CES5A: variants seen among roughly 807,000 people sequenced by gnomAD.
The protein encoded by CES5A is carboxylesterase 5A, also known as carboxylesterase 5.
CES5A carries 67 observed loss-of-function variants against 62.9 expected under a neutral mutation model. The ratio of observed to expected loss-of-function variants is 1.07; its 90% confidence interval spans 0.88 to 1.31. The LOEUF is 1.31. CES5A is among the 50% of genes most tolerant of loss of function. The probability of loss-of-function intolerance (pLI) is 0.00; values close to 1 mark genes in which losing one functional copy is unlikely to be tolerated. For missense variants in CES5A, 748 were observed against 708.5 expected (o/e 1.06, Z -0.63); for synonymous variants, 296 against 280.8 (o/e 1.05, Z -0.54).
At chr16:55,928,359 C>G (rs528499504), upstream of CES5A, among the ~76,000 whole-genome samples, 1 of 152,228 alleles carries the variant, frequency 6.6e-6, no homozygotes, top group Admixed American at 6.5e-5. Flanking sequence ...TAAGTGGGAG[C>G]TAAGCTATGG....
upstream of CES5A, among the ~76,000 whole-genome samples, chr16:55,877,121 C>A (rs532191474): frequency 1.4e-4 from 21 of 152,306 alleles, no homozygotes; most frequent in East Asian, 4.1e-3. Flanking sequence ...GCAAGGACTT[C>A]TGCAAGTGGG....
chr16:55,864,613 G>A (rs1180907798), intron 5 of CES5A, among the ~76,000 whole-genome samples: 1 of 152,210 alleles, frequency 6.6e-6, no homozygotes, highest in Non-Finnish European at 1.5e-5. Flanking sequence ...ATTGCTGTCA[G>A]GCCAGGCATA....
At chr16:55,901,369 A>G (rs1395799469) in intron 1 of CES5A, among the ~76,000 whole-genome samples, 1 of 152,182 alleles carries the variant, frequency 6.6e-6, no homozygotes, top group Non-Finnish European at 1.5e-5. Context: ...AAACAGACTA[A>G]TACAGGCCCT....
chr16:55,949,982 C>A, intron 1 of CES5A: 1 of 539,000 alleles, frequency 1.9e-6, no homozygotes, highest in Non-Finnish European at 2.8e-6. Flanking sequence ...ACCAATACAG[C>A]ATATAAGTAA....
At chr16:55,902,344 C>G (rs984437190) in intron 1 of CES5A, among the ~76,000 whole-genome samples, 6 of 152,144 alleles carry the variant, frequency 3.9e-5, no homozygotes, top group African/African-American at 4.8e-5. Flanking sequence ...ACTCTCCCCC[C>G]ACAAGTTATT....
chr16:55,866,122 G>T lies in CES5A; in HGVS notation c.552-6C>A. The T allele has an allele frequency of 6.2e-7, 1 of 1,605,394 alleles. No individual in the cohort carries two copies. The highest frequency in any genetic ancestry group is 2.2e-5 in the East Asian group (1 of 44,680). ...GAGCATGCTGATCCCATGTGCTGAG[G>T]ACAAGAGGCAGGGTGAGAATTCTTG... On this transcript the variant is annotated splice_polypyrimidine_tract_variant and splice_region_variant and intron_variant, in intron 4 of 12. Transcript: ENST00000290567.
intron 1 of CES5A, among the ~76,000 whole-genome samples, chr16:55,916,134 G>T (rs551895674): frequency 6.6e-6 from 1 of 152,256 alleles, no homozygotes; most frequent in South Asian, 2.1e-4. Context: ...GACCAGTTGG[G>T]TCAGGGCAGG....
At chr16:55,876,108 C>G (rs1011512458), upstream of CES5A, among the ~76,000 whole-genome samples, 1 of 152,190 alleles carries the variant, frequency 6.6e-6, no homozygotes, top group Admixed American at 6.5e-5. Flanking sequence ...GACTGTCTTC[C>G]TCCTTGGAGT....
chr16:55,854,360 T>A (rs1317979900), intron 9 of CES5A, among the ~76,000 whole-genome samples: 2 of 151,892 alleles, frequency 1.3e-5, no homozygotes, highest in Non-Finnish European at 2.9e-5. Flanking sequence ...ATGGCTTAGA[T>A]CAATGAGCAT....
chr16:55,885,533 G>A (rs1373644974), intron 1 of CES5A, among the ~76,000 whole-genome samples: 1 of 152,098 alleles, frequency 6.6e-6, no homozygotes, highest in Non-Finnish European at 1.5e-5. Flanking sequence ...AAGAAGGTTG[G>A]GTAAAAGCAT....
chr16:55,900,969 A>G (rs950710877), intron 1 of CES5A, among the ~76,000 whole-genome samples: 1 of 152,184 alleles, frequency 6.6e-6, no homozygotes, highest in Non-Finnish European at 1.5e-5. Flanking sequence ...TGTGTGAGTC[A>G]GGGGGAGAGC....
At chr16:55,879,306 G>A (rs1249863815), upstream of CES5A, among the ~76,000 whole-genome samples, 2 of 149,912 alleles carry the variant, frequency 1.3e-5, no homozygotes, top group East Asian at 4.0e-4. Context: ...CCCCACCACT[G>A]CACTGCATCA....
At chr16:55,954,980 G>T (rs1027235271) in intron 1 of CES5A, among the ~76,000 whole-genome samples, 1 of 152,022 alleles carries the variant, frequency 6.6e-6, no homozygotes, top group Non-Finnish European at 1.5e-5. Flanking sequence ...TAGCTTCTCC[G>T]CATGCACAAG....
At chr16:55,864,362 A>C (rs1249004201) in intron 5 of CES5A, among the ~76,000 whole-genome samples, 1 of 152,186 alleles carries the variant, frequency 6.6e-6, no homozygotes, top group African/African-American at 2.4e-5. Flanking sequence ...ACTGATGCCA[A>C]GGAAATGCTG....
chr16:55,854,531 C>CTTTTTTTTTTCTT (rs1555479324), intron 9 of CES5A, among the ~76,000 whole-genome samples: 1,991 of 51,824 alleles, frequency 0.038, 121 homozygotes, highest in East Asian at 0.24. Context: ...TGTAGTGTTT[C>CTTTTTTTTTTCTT]TTTTTTTTTT....
intron 10 of CES5A, among the ~76,000 whole-genome samples, chr16:55,851,251 A>G (rs1015536700): frequency 1.9e-4 from 29 of 152,204 alleles, no homozygotes; most frequent in Non-Finnish European, 3.7e-4. Flanking sequence ...CATATATCTC[A>G]TAAGGGATTA....
chr16:55,905,806 T>C (rs1321198557), intron 1 of CES5A, among the ~76,000 whole-genome samples: 1 of 152,204 alleles, frequency 6.6e-6, no homozygotes, highest in African/African-American at 2.4e-5. Flanking sequence ...CGCAAAGTCC[T>C]CGTGATTACA....
chr16:55,950,331 T>A (rs1459333631), intron 1 of CES5A, among the ~76,000 whole-genome samples: 3 of 152,090 alleles, frequency 2.0e-5, no homozygotes, highest in Non-Finnish European at 4.4e-5. Flanking sequence ...AAGAACTACA[T>A]CCCCATGGAA....
At chr16:55,851,335 T>TTAAA (rs547328959) in intron 10 of CES5A, among the ~76,000 whole-genome samples, 383 of 152,294 alleles carry the variant, frequency 2.5e-3, no homozygotes, top group South Asian at 0.023. Flanking sequence ...GGCAAGGGTC[T>TTAAA]TAAACGTTTC....
Sources: allele counts gnomAD v4.1 joint callset (sites outside exome capture counted in the v4.1 genomes callset), GRCh38; gene constraint gnomAD v4.1.1; transcripts MANE v1.5; gene names NCBI Gene and HGNC (gene_info 2026-07-23, HGNC 2026-07-21).